Variants in IARS2 observed in about 807,000 individuals in gnomAD.
IARS2 encodes isoleucine--tRNA ligase, mitochondrial.
Under a neutral mutation model 126.3 loss-of-function variants are expected in IARS2, and 56 were observed. The ratio of observed to expected loss-of-function variants is 0.44; its 90% confidence interval spans 0.36 to 0.55. IARS2 has a LOEUF of 0.55. Among genes scored for constraint, IARS2 ranks in the 20% least tolerant of loss-of-function variants. IARS2 has a pLI of 0.00. For synonymous variants in IARS2, 407 were observed against 441.1 expected (o/e 0.92, Z 0.97); for missense variants, 1,127 against 1,245.9 (o/e 0.90, Z 1.44).
chr1:220,126,553 C>T (rs1657160338), intron 13 of IARS2, among the ~76,000 whole-genome samples, 197 bp from the exon 14 acceptor site: 1 of 152,174 alleles, frequency 6.6e-6, no homozygotes, highest in South Asian at 2.1e-4. Flanking sequence ...ATATGTAATT[C>T]AGTGGCCACA....
At chr1:220,110,010 A>G (rs901378191) in intron 10 of IARS2, among the ~76,000 whole-genome samples, 2 of 152,198 alleles carry the variant, frequency 1.3e-5, no homozygotes, top group Admixed American at 1.3e-4. Context: ...TGCCAGGAGA[A>G]TCCCAGAGCA....
chr1:220,120,685 T>C (rs1198345037), intron 12 of IARS2, among the ~76,000 whole-genome samples: 1 of 152,164 alleles, frequency 6.6e-6, no homozygotes, highest in African/African-American at 2.4e-5. Flanking sequence ...CAAAATTAAT[T>C]TATTCAATTG....
Position 220,110,952 on chromosome 1 carries a change from C to T in IARS2, c.1479+15C>T. ...CTGCAGCCAAGGTATAAAAAGCATC[C>T]TGTTTTAACAGGTCGGGCATATCAT... On this transcript the variant is annotated intron_variant, in intron 11 of 22. Transcript: ENST00000366922. 3 of 1,610,436 alleles carry T rather than the reference C, an allele frequency of 1.9e-6. No homozygotes were observed. Among genetic ancestry groups the T allele is most frequent in the Non-Finnish European group, 2.5e-6 (3 of 1,178,824 alleles).
At chr1:220,127,975 A>G (rs1657187305) in intron 14 of IARS2, among the ~76,000 whole-genome samples, 1 of 152,200 alleles carries the variant, frequency 6.6e-6, no homozygotes, top group Non-Finnish European at 1.5e-5. Context: ...AATTACAGTC[A>G]TGTGTTATAT....
intron 1 of IARS2, among the ~76,000 whole-genome samples, chr1:220,094,960 AC>A (rs1196536306): frequency 6.9e-6 from 1 of 145,544 alleles, no homozygotes; most frequent in African/African-American, 2.5e-5. Context: ...AGTCACCCCC[AC>A]CCCCCCGTCC....
chr1:220,125,466 A>G, intron 13 of IARS2, 127 bp downstream of exon 13: 1 of 618,974 alleles, frequency 1.6e-6, no homozygotes, highest in African/African-American at 1.8e-5. Flanking sequence ...GTAAATTAGA[A>G]GCTAATGCAG....
At chr1:220,107,016 A>G (rs1172017811) in intron 9 of IARS2, 45 bp from the exon 10 acceptor site, 1 of 1,204,916 alleles carries the variant, frequency 8.3e-7, no homozygotes, top group East Asian at 2.3e-5. Context: ...TTGTCATAAG[A>G]GAAAATGTCT....
intron 14 of IARS2, among the ~76,000 whole-genome samples, chr1:220,134,006 T>A (rs1476871532): frequency 1.3e-5 from 2 of 152,242 alleles, no homozygotes; most frequent in South Asian, 2.1e-4. Context: ...CTGTCATGTC[T>A]CTCTAGTTCT....
chr1:220,141,686 G>C (rs1657495294), intron 19 of IARS2, 117 bp from the exon 20 acceptor site: 1 of 979,698 alleles, frequency 1.0e-6, no homozygotes, highest in Non-Finnish European at 1.5e-6. Flanking sequence ...TTAAGTAGAA[G>C]ATGATTAGAG....
At chr1:220,125,503 A>G (rs575834061) in intron 13 of IARS2, among the ~76,000 whole-genome samples, 164 bp downstream of exon 13, 14 of 152,354 alleles carry the variant, frequency 9.2e-5, no homozygotes, top group Non-Finnish European at 1.5e-4. Flanking sequence ...TTGTTTAACT[A>G]TAGAAGTGTA....
intron 10 of IARS2, among the ~76,000 whole-genome samples, chr1:220,108,882 T>TA (rs1656741780): frequency 2.3e-4 from 34 of 147,898 alleles, no homozygotes; most frequent in African/African-American, 8.0e-4. Flanking sequence ...TTTTTTTTTT[T>TA]ATTGGAGGGA....
chr1:220,143,209 G>A, intron 21 of IARS2, 75 bp downstream of exon 21: 2 of 1,038,416 alleles, frequency 1.9e-6, no homozygotes, highest in South Asian at 4.0e-5. Context: ...TTTAAAATGT[G>A]TCTAAATTAA....
At chr1:220,104,589 T>C (rs747195249) in intron 8 of IARS2, among the ~76,000 whole-genome samples, 29 of 151,508 alleles carry the variant, frequency 1.9e-4, no homozygotes, top group Non-Finnish European at 4.0e-4. Flanking sequence ...CTTGCTACAT[T>C]GCCCAGGCTG....
chr1:220,133,708 T>C (rs1027032256), intron 14 of IARS2, among the ~76,000 whole-genome samples: 6 of 152,208 alleles, frequency 3.9e-5, no homozygotes, highest in African/African-American at 1.4e-4. Context: ...AATTACAGCA[T>C]GCTCTTCATC....
chr1:220,114,488 T>A lies in IARS2; in HGVS notation c.1640+14T>A, dbSNP rs776764480. The A allele has an allele frequency of 2.5e-6, 4 of 1,580,316 alleles. No homozygotes were observed. The highest frequency in any genetic ancestry group is 2.6e-6 in the Non-Finnish European group (3 of 1,166,596). The stretch of plus-strand genomic sequence containing the variant: ...CTTGATCAACAGGTAGAATGCTTTC[T>A]AAAATTTTTTAGTGTTTTAAAGTGA... On this transcript the variant is annotated intron_variant, in intron 12 of 22. Transcript: ENST00000366922.
At chr1:220,102,315 A>G in intron 4 of IARS2, 38 bp downstream of exon 4, 1 of 1,607,558 alleles carries the variant, frequency 6.2e-7, no homozygotes, top group Non-Finnish European at 8.5e-7. Flanking sequence ...AGGTTTTAGT[A>G]TGCGTTACAA....
chr1:220,098,918 A>G (rs920759765), intron 2 of IARS2, among the ~76,000 whole-genome samples: 2 of 152,212 alleles, frequency 1.3e-5, no homozygotes, highest in African/African-American at 2.4e-5. Context: ...TTCAGTAGAA[A>G]TACAATGCAA....
In IARS2 at chr1:220,134,389, AC is replaced by A; in HGVS notation, c.1838-12del. 6.5e-7 allele frequency: 1 copy of A among 1,542,550 alleles called. No homozygotes were observed. ...TTTCTGGGTTTTTTTTTCTTTTAAT[AC>A]TTAATTTTGAGGTCCTGACCAAAGA... is the stretch of plus-strand genomic sequence containing the variant. On this transcript the variant is annotated splice_polypyrimidine_tract_variant and intron_variant, in intron 14 of 22. Coordinates refer to ENST00000366922, the MANE Select transcript of IARS2 (RefSeq NM_018060.4).
In IARS2 at chr1:220,105,942, C is replaced by G; in HGVS notation, c.1118C>G (p.Ala373Gly). The change falls in exon 9 of 23, where the codon GCC (alanine) becomes GGC (glycine). Residue 373 changes from alanine to glycine, a missense_variant. Physicochemically the swap from Ala to Gly is moderately conservative, Grantham distance 60 (BLOSUM62 0). Transcript: ENST00000366922. ...AGTCATCCATTAATTCCTGATAAAGCCTCTCCTCTTTTACCTGCAAATCAT... is the reference window on the plus strand; with the variant it reads ...AGTCATCCATTAATTCCTGATAAAGGCTCTCCTCTTTTACCTGCAAATCAT... The part of the protein sequence containing the change: ...TCSHPLIPDK[A>G]SPLLPANHVT... 6.2e-7 allele frequency: 1 copy of G among 1,614,044 alleles called. No individual in the cohort carries two copies. The highest frequency in any genetic ancestry group is 8.5e-7 in the Non-Finnish European group (1 of 1,179,942).
Sources: allele counts gnomAD v4.1 joint callset (sites outside exome capture counted in the v4.1 genomes callset), GRCh38; gene constraint gnomAD v4.1.1; transcripts MANE v1.5; gene names NCBI Gene and HGNC (gene_info 2026-07-23, HGNC 2026-07-21).